ERN1: variants seen among roughly 807,000 people sequenced by gnomAD.
ERN1 encodes endoplasmic reticulum to nucleus signaling 1.
Under a neutral mutation model 113.1 loss-of-function variants are expected in ERN1, and 39 were observed. The observed-to-expected ratio is 0.34, with a 90% CI of 0.27 to 0.45. The LOEUF is 0.45. Among genes scored for constraint, ERN1 ranks in the 20% least tolerant of loss-of-function variants. ERN1 has a pLI of 1.00. For missense variants in ERN1, 976 were observed against 1,274.8 expected (o/e 0.77, Z 3.57); for synonymous variants, 507 against 515.9 (o/e 0.98, Z 0.23).
chr17:64,090,845 T>C (rs1222913411), intron 2 of ERN1, among the ~76,000 whole-genome samples: 1 of 152,178 alleles, frequency 6.6e-6, no homozygotes, highest in African/African-American at 2.4e-5. Context: ...GATGAGTACA[T>C]GGGGGTTCTT....
intron 13 of ERN1, among the ~76,000 whole-genome samples, chr17:64,055,423 T>A (rs1912828038): frequency 6.6e-6 from 1 of 152,176 alleles, no homozygotes; most frequent in South Asian, 2.1e-4. Flanking sequence ...TCACCTCTGG[T>A]CAGCCGCGAC....
At chr17:64,099,323 C>T (rs1024118922) in intron 1 of ERN1, among the ~76,000 whole-genome samples, 9 of 151,254 alleles carry the variant, frequency 6.0e-5, no homozygotes, top group African/African-American at 2.2e-4. Context: ...AGGAATTGTA[C>T]CCTCATTCCA....
chr17:64,107,568 C>T (rs749650250), intron 1 of ERN1, among the ~76,000 whole-genome samples: 5 of 152,084 alleles, frequency 3.3e-5, no homozygotes, highest in African/African-American at 7.2e-5. Context: ...GCAATCTTCC[C>T]GCCTCACCTC....
At chr17:64,077,544 T>C (rs1913631913) in intron 4 of ERN1, among the ~76,000 whole-genome samples, 1 of 152,176 alleles carries the variant, frequency 6.6e-6, no homozygotes, top group African/African-American at 2.4e-5. Flanking sequence ...CTTTTTTGTC[T>C]GTCATGTTTT....
Position 64,054,283 on chromosome 17 carries a change from A to C in ERN1, c.1920T>G (p.Ile640Met). ...CTEKDRQFQY[I>M]AIELCAATLQ... ...GGGTGGCTGCACACAGCTCGATGGCAATGTACTGGAATTGCCGGTCCTTCT... is the reference window on the plus strand; with the variant it reads ...GGGTGGCTGCACACAGCTCGATGGCCATGTACTGGAATTGCCGGTCCTTCT... The change falls in exon 15 of 22, where the codon ATT becomes ATG. Residue 640 changes from isoleucine (I) to methionine (M), a missense_variant. Around this residue, in one of 5 missense-constraint regions of ERN1, gnomAD observed 297 missense variants for 457.8 expected, o/e 0.65. Coordinates refer to ENST00000433197, the MANE Select transcript of ERN1 (RefSeq NM_001433.5). This position sits in a 1 kb window ranked among gnomAD's most constrained non-coding sequence, Gnocchi z 4.9. 6.2e-7 allele frequency: 1 copy of C among 1,613,774 alleles called. No individual in the cohort carries two copies.
In ERN1 at chr17:64,054,625, C is replaced by T. The variant is rs1000404892; in HGVS notation, c.1763+113G>A. The T allele has an allele frequency of 3.9e-5, 39 of 995,880 alleles. No individual in the cohort carries two copies. Among genetic ancestry groups the T allele is most frequent in the Non-Finnish European group, 5.0e-5 (34 of 676,506 alleles). The allele number at this position is 995,880 out of a possible 1,614,324, so 61.7% of individuals were successfully genotyped here. ...AGCTCCCTGGAGGCCGGACTCCATG[C>T]GTCTAGGTCACTGCTTTGACCCTGC... On this transcript the variant is annotated intron_variant, in intron 14 of 21. Coordinates refer to ENST00000433197, the MANE Select transcript of ERN1 (RefSeq NM_001433.5). This position sits in a 1 kb window ranked among gnomAD's most constrained non-coding sequence, Gnocchi z 4.9.
intron 17 of ERN1, among the ~76,000 whole-genome samples, chr17:64,051,471 CTGCCAAAAACATTCG>C (rs1208075898): frequency 6.6e-6 from 1 of 152,200 alleles, no homozygotes; most frequent in Non-Finnish European, 1.5e-5. Context: ...ATGTAGAGAC[CTGCCAAAAACATTCG>C]TGCCAAAAAC....
In ERN1 at chr17:64,053,341, C is replaced by T. The variant is rs748955378; in HGVS notation, c.1984G>A (p.Gly662Ser). ...TGCAGCAAGGTGATGGGCTCCAGGC[C>T]GAGATGCGCAAAGTCCTTCTGCTCC... ...YVEQKDFAHL[G>S]LEPITLLQQT... Residue 662 changes from glycine to serine, a missense_variant, in exon 16 of 22, where the codon GGC becomes AGC. Physicochemically the swap from Gly to Ser is moderately conservative, Grantham distance 56. Transcript: ENST00000433197. 1.2e-5 allele frequency: 19 copies of T among 1,610,890 alleles called. No homozygotes were observed. The East Asian group carries it at 1.3e-4, about 11-fold the overall frequency.
intron 12 of ERN1, among the ~76,000 whole-genome samples, chr17:64,057,146 A>G (rs769337021): frequency 1.1e-4 from 16 of 152,232 alleles, no homozygotes; most frequent in Non-Finnish European, 1.9e-4. Flanking sequence ...TCCCCAGCAG[A>G]AGTTCTAATG....
chr17:64,119,914 A>C (rs1313593333), intron 1 of ERN1, among the ~76,000 whole-genome samples: 2 of 151,840 alleles, frequency 1.3e-5, no homozygotes, highest in Admixed American at 6.6e-5. Context: ...TTGGGCCTTA[A>C]AACATTTTTT....
intron 10 of ERN1, among the ~76,000 whole-genome samples, chr17:64,062,989 C>T (rs1013384136): frequency 1.3e-5 from 2 of 152,232 alleles, no homozygotes; most frequent in African/African-American, 2.4e-5. Flanking sequence ...TCCCCACCTA[C>T]ACCGCACTGC....
At position 64,049,037 on chromosome 17, in the gene ERN1, A is replaced by G; in HGVS notation, c.2401+18T>C. Reference sequence around the variant, plus strand: ...CAGCTGAGGAGCTGCTCCCAACCCCAACCCCTGGACCGCTCACCGTGCTTC... The same window carrying G: ...CAGCTGAGGAGCTGCTCCCAACCCCGACCCCTGGACCGCTCACCGTGCTTC... On this transcript the variant is annotated intron_variant, in intron 18 of 21. Transcript: ENST00000433197. The surrounding 1 kb of genome is among the most constrained non-coding windows in gnomAD (Gnocchi z 4.7). 6.5e-7 allele frequency: 1 copy of G among 1,545,718 alleles called. No homozygotes were observed. The highest frequency in any genetic ancestry group is 8.8e-7 in the Non-Finnish European group (1 of 1,135,972).
intron 1 of ERN1, among the ~76,000 whole-genome samples, chr17:64,099,830 A>T (rs1198015987): frequency 6.6e-6 from 1 of 152,170 alleles, no homozygotes; most frequent in African/African-American, 2.4e-5. Flanking sequence ...GGAGTGAAAC[A>T]GCTGCTAGAA....
intron 4 of ERN1, among the ~76,000 whole-genome samples, chr17:64,076,376 CT>C (rs1163220198): frequency 6.6e-6 from 1 of 152,112 alleles, no homozygotes; most frequent in Non-Finnish European, 1.5e-5. Context: ...CAAACCAAGC[CT>C]CAGAGGAGGA....
At position 64,054,662 on chromosome 17, in the gene ERN1, C is replaced by T; in HGVS notation, c.1763+76G>A. The T allele has an allele frequency of 1.6e-6, 2 of 1,248,402 alleles. No homozygotes were observed. The highest frequency in any genetic ancestry group is 2.3e-6 in the Non-Finnish European group (2 of 884,408). 77.3% of individuals were successfully genotyped at this position (1,248,402 alleles called of 1,614,324 possible). On this transcript the variant is annotated intron_variant, in intron 14 of 21. Transcript: ENST00000433197. This position sits in a 1 kb window ranked among gnomAD's most constrained non-coding sequence, Gnocchi z 4.9. ...TGCTTTGACCCTGCTGTGCTCTGAG[C>T]CTGGCACCAGGCTCGCAACCTGACA...
rs1016659002 is a variant in ERN1, at chr17:64,040,526, T to C, written c.*3462A>G. 6.6e-6 allele frequency: 1 copy of C among 152,240 alleles called. No individual in the cohort carries two copies. The highest frequency in any genetic ancestry group is 2.1e-4 in the South Asian group (1 of 4,828). The allele number at this position is 152,240 out of a possible 1,614,324, so 9.4% of individuals were successfully genotyped here. ...GCAGCAAGAAAAGAATTGCCAAAGA[T>C]AACTGAATCGCATGCACACAAAACC... is the stretch of plus-strand genomic sequence containing the variant. On this transcript the variant is annotated 3_prime_UTR_variant, in exon 22 of 22. Coordinates refer to ENST00000433197, the MANE Select transcript of ERN1 (RefSeq NM_001433.5).
In ERN1 at chr17:64,049,819, C is replaced by T. The variant is rs558151135; in HGVS notation, c.2254-617G>A. ...TCTGTGTCTACAGAATAGCTTCCTT[C>T]GAGGGAAATGTACGTTTGTGTTTTT... On this transcript the variant is annotated intron_variant, in intron 17 of 21. Transcript: ENST00000433197. This position sits in a 1 kb window ranked among gnomAD's most constrained non-coding sequence, Gnocchi z 4.7. Among the ~76,000 whole-genome samples, 33 of 152,282 alleles carry T rather than the reference C, an allele frequency of 2.2e-4. No individual in the cohort carries two copies. In the Middle Eastern group the frequency reaches 0.01, roughly 47 times the overall value.
At chr17:64,075,655 C>T (rs1289208514) in intron 4 of ERN1, among the ~76,000 whole-genome samples, 1 of 152,250 alleles carries the variant, frequency 6.6e-6, no homozygotes, top group East Asian at 1.9e-4. Flanking sequence ...TAAACATCCA[C>T]TCCTTTACTT....
chr17:64,123,241 G>A lies in ERN1; in HGVS notation c.54+6735C>T, dbSNP rs148277159. 9.9e-5 allele frequency among the ~76,000 whole-genome samples: 15 copies of A among 152,124 alleles called. No homozygotes were observed. In the East Asian group the frequency reaches 2.5e-3, roughly 25 times the overall value. On this transcript the variant is annotated intron_variant, in intron 1 of 21. Coordinates refer to ENST00000433197, the MANE Select transcript of ERN1 (RefSeq NM_001433.5). Reference sequence around the variant, plus strand: ...ACAAAGAATCTTATCTGTAGGAGGCGGGCCACCCTCAAAACCAGAGAATTA... The same window carrying A: ...ACAAAGAATCTTATCTGTAGGAGGCAGGCCACCCTCAAAACCAGAGAATTA...
Sources: allele counts gnomAD v4.1 joint callset (sites outside exome capture counted in the v4.1 genomes callset), GRCh38; gene constraint gnomAD v4.1.1; regional missense constraint gnomAD v4.1.1; non-coding constraint Gnocchi (gnomAD v3.1); transcripts MANE v1.5; gene names NCBI Gene and HGNC (gene_info 2026-07-23, HGNC 2026-07-21).